The following SPAG6 variants were observed in gnomAD, a reference collection of about 807,000 sequenced individuals.
SPAG6 encodes the protein sperm-associated antigen 6.
Under a neutral mutation model 58.5 loss-of-function variants are expected in SPAG6, and 49 were observed. The ratio of observed to expected loss-of-function variants is 0.84; its 90% CI spans 0.67 to 1.06. The LOEUF (loss-of-function observed/expected upper bound fraction) is 1.06. Ranked by LOEUF, SPAG6 falls within the 50% of genes least tolerant of loss-of-function variation. SPAG6 has a pLI of 0.00. For missense variants in SPAG6, 560 were observed against 611.3 expected, an observed-to-expected ratio of 0.92 and a Z score of 0.89; for synonymous variants, 233 against 225.6, an observed-to-expected ratio of 1.03 and a Z score of -0.29.
At chr10:22,346,947 C>T (rs1169210838) in intron 2 of SPAG6, among the ~76,000 whole-genome samples, 1 of 152,166 alleles carries the variant, frequency 6.6e-6, no homozygotes, top group Non-Finnish European at 1.5e-5. Context: ...CCAATGGTAA[C>T]ATTTTTCAAA....
At chr10:22,398,385 G>C (rs1475843993) in intron 8 of SPAG6, among the ~76,000 whole-genome samples, 1 of 151,556 alleles carries the variant, frequency 6.6e-6, no homozygotes, top group South Asian at 2.1e-4. Context: ...TTTAAAAATT[G>C]ATAAATTATA....
Position 22,345,933 on chromosome 10 carries a change from G to A in SPAG6, c.121+115G>A. On this transcript the variant is annotated intron_variant, in intron 2 of 10. Coordinates refer to ENST00000376624, the MANE Select transcript of SPAG6 (RefSeq NM_012443.4). The surrounding 1 kb of genome is among the most constrained non-coding windows in gnomAD (Gnocchi z 6.3). The stretch of plus-strand genomic sequence containing the variant: ...AGCCGCAGTGTGGGGACCGGAGTTC[G>A]CAAAAGCATCCATTCTTTTCAGCGG... 6.4e-7 allele frequency: 1 copy of A among 1,564,672 alleles called. No homozygotes were observed. The highest frequency in any genetic ancestry group is 8.7e-7 in the Non-Finnish European group (1 of 1,155,082).
chr10:22,391,478 CT>C (rs1321100619), intron 7 of SPAG6, among the ~76,000 whole-genome samples: 2 of 152,084 alleles, frequency 1.3e-5, no homozygotes, highest in Non-Finnish European at 2.9e-5. Flanking sequence ...AAATACCTCT[CT>C]ATTTGGGGGG....
chr10:22,412,664 C>CGG (rs1564383582), intron 10 of SPAG6: 1 of 497,934 alleles, frequency 2.0e-6, no homozygotes, highest in Non-Finnish European at 3.5e-6. Flanking sequence ...CTCCGCCTCC[C>CGG]GGGTTCAAGC....
At chr10:22,400,330 C>T (rs145606170) in intron 8 of SPAG6, among the ~76,000 whole-genome samples, 4 of 152,010 alleles carry the variant, frequency 2.6e-5, no homozygotes, top group African/African-American at 9.6e-5. Context: ...GGAGACAAAC[C>T]CAATTGTTGT....
rs188593816 is a variant in SPAG6 at position 22,348,827 on chromosome 10, T to C, written c.121+3009T>C. Among the ~76,000 whole-genome samples, 31 of 152,304 alleles carry C rather than the reference T, an allele frequency of 2.0e-4. 1 individual carries two copies. Among genetic ancestry groups the C allele is most frequent in the South Asian group, 4.1e-4 (2 of 4,830 alleles). On this transcript the variant is annotated intron_variant, in intron 2 of 10. Coordinates refer to ENST00000376624, the MANE Select transcript of SPAG6 (RefSeq NM_012443.4). ...CAGAGTTATTTGGAAAAGATTAAGTTTGATTTCCTTCTTTTTTGTTTTCGA... is the reference window on the plus strand; with the variant it reads ...CAGAGTTATTTGGAAAAGATTAAGTCTGATTTCCTTCTTTTTTGTTTTCGA...
rs1834072772 is a variant in SPAG6 at position 22,386,766 on chromosome 10, C to A, written c.485C>A (p.Ala162Asp). 1.2e-6 allele frequency: 2 copies of A among 1,613,254 alleles called. No individual in the cohort carries two copies. Among genetic ancestry groups the A allele is most frequent in the South Asian group, 1.1e-5 (1 of 91,080 alleles). Residue 162 changes from alanine (A) to aspartate (D), a missense_variant, in exon 5 of 11, where the codon GCT becomes GAT. By Grantham distance (126) the Ala-to-Asp change is moderately radical (BLOSUM62 -2). Coordinates refer to ENST00000376624, the MANE Select transcript of SPAG6 (RefSeq NM_012443.4). ...CTTGGACCCACAGAACTGTCACAAGCTGTGGTGGATGCAGGAGCTGTTCCT... is the reference window on the plus strand; with the variant it reads ...CTTGGACCCACAGAACTGTCACAAGATGTGGTGGATGCAGGAGCTGTTCCT... ...IARHNAELSQ[A>D]VVDAGAVPLL...
At chr10:22,412,982 A>T (rs1486927965) in intron 10 of SPAG6, 1 of 146,924 alleles carries the variant, frequency 6.8e-6, no homozygotes, top group East Asian at 2.1e-4. Context: ...TACGTGGAAT[A>T]TGTGTCCCTT....
rs775680159 is a variant in SPAG6 at position 22,413,066 on chromosome 10, C to CAAAAAAAAAAAAAAA, written c.1460+1898_1460+1912dup. The CAAAAAAAAAAAAAAA allele has an allele frequency of 1.1e-3, 47 of 43,290 alleles. 1 individual carries two copies. Among genetic ancestry groups the CAAAAAAAAAAAAAAA allele is most frequent in the African/African-American group, 3.0e-3 (34 of 11,476 alleles). The allele number at this position is 43,290 out of a possible 1,614,324, so 2.7% of individuals were successfully genotyped here. On this transcript the variant is annotated intron_variant, in intron 10 of 10. Transcript: ENST00000376624. ...TTTGTTACAAAGTTACAGAAAGATGCAAAAAAAAAAAAAAAAAAAAAAGAA... is the reference window on the plus strand; with the variant it reads ...TTTGTTACAAAGTTACAGAAAGATGCAAAAAAAAAAAAAAAAAAAAAAAAAAAAAAAAAAAAAGAA...
intron 9 of SPAG6, among the ~76,000 whole-genome samples, chr10:22,405,974 G>A (rs966057394): frequency 1.3e-3 from 197 of 152,018 alleles, no homozygotes; most frequent in Non-Finnish European, 1.7e-3. Flanking sequence ...CTGTGGGATC[G>A]GTGGTGATAT....
Position 22,364,975 on chromosome 10 carries a change from T to C in SPAG6, c.244T>C (p.Cys82Arg), listed in dbSNP as rs1281773808. The stretch of plus-strand genomic sequence containing the variant: ...TGACCTAGCAGAAGCTGTTGTGAAG[T>C]GCGACATTCTTCCACAGCTTGTTTA... ...NDDLAEAVVK[C>R]DILPQLVYSL... The change falls in exon 3 of 11, where the codon TGC (cysteine) becomes CGC (arginine). Residue 82 changes from cysteine to arginine, a missense_variant. Transcript: ENST00000376624. The C allele has an allele frequency of 6.2e-7, 1 of 1,612,342 alleles. No homozygotes were observed.
chr10:22,378,252 C>CG (rs1833868741), intron 4 of SPAG6, among the ~76,000 whole-genome samples: 1 of 151,266 alleles, frequency 6.6e-6, no homozygotes, highest in Non-Finnish European at 1.5e-5. Flanking sequence ...TTAGTAGAGA[C>CG]GGGGTTTCAC....
chr10:22,409,437 C>G (rs903449717), intron 9 of SPAG6, among the ~76,000 whole-genome samples: 1 of 152,178 alleles, frequency 6.6e-6, no homozygotes, highest in African/African-American at 2.4e-5. Context: ...ATGTACCCAG[C>G]TCTCTGTTGA....
chr10:22,353,203 C>CT (rs1262954892), intron 2 of SPAG6, among the ~76,000 whole-genome samples: 3 of 152,308 alleles, frequency 2.0e-5, no homozygotes, highest in African/African-American at 7.2e-5. Flanking sequence ...CCTATGAAAA[C>CT]TCTTGGAGCA....
chr10:22,401,348 G>T, intron 9 of SPAG6, 71 bp downstream of exon 9: 2 of 790,506 alleles, frequency 2.5e-6, no homozygotes, highest in Non-Finnish European at 4.3e-6. Context: ...TTTTCTGTTG[G>T]GTCAGTAGCT....
intron 2 of SPAG6, among the ~76,000 whole-genome samples, chr10:22,354,178 A>G (rs906434118): frequency 6.6e-6 from 1 of 152,320 alleles, no homozygotes; most frequent in Non-Finnish European, 1.5e-5. Context: ...GAGAGTAGAT[A>G]AGAGGGGATT....
At chr10:22,398,063 A>G (rs1008412867) in intron 8 of SPAG6, among the ~76,000 whole-genome samples, 17 of 152,260 alleles carry the variant, frequency 1.1e-4, no homozygotes, top group Admixed American at 1.0e-3. Context: ...ATATGTATGT[A>G]TCAATGGAAT....
chr10:22,402,552 G>A (rs1384471865), intron 9 of SPAG6, among the ~76,000 whole-genome samples: 3 of 152,174 alleles, frequency 2.0e-5, no homozygotes, highest in African/African-American at 4.8e-5. Context: ...CAGAGCCACA[G>A]GAAAGTAGAA....
At chr10:22,407,725 C>T (rs2130634989) in intron 9 of SPAG6, among the ~76,000 whole-genome samples, 1 of 152,278 alleles carries the variant, frequency 6.6e-6, no homozygotes, top group Non-Finnish European at 1.5e-5. Context: ...TAATATCCTG[C>T]AGAATGTTTT....
Sources: gnomAD v4.1 joint callset for allele counts (sites outside exome capture counted in the v4.1 genomes callset) on GRCh38, gnomAD v4.1.1 for gene constraint, Gnocchi (gnomAD v3.1) non-coding constraint, MANE v1.5 for transcripts, NCBI Gene and HGNC (gene_info 2026-07-23, HGNC 2026-07-21) for gene names.